Variants in PDIA5 observed in about 807,000 individuals in gnomAD.
The protein encoded by PDIA5 is protein disulfide isomerase family A member 5, also known as protein disulfide-isomerase A5.
PDIA5 carries 58 observed loss-of-function variants against 77.6 expected under a neutral mutation model. The ratio of observed to expected loss-of-function variants is 0.75; its 90% CI spans 0.61 to 0.93. PDIA5 has a LOEUF of 0.93. PDIA5 is among the 40% of genes least tolerant of loss of function. PDIA5 has a pLI of 0.00. For missense variants in PDIA5, 630 were observed against 647.7 expected (o/e 0.97, Z 0.30); for synonymous variants, 250 against 252.1 (o/e 0.99, Z 0.08).
intron 5 of PDIA5, among the ~76,000 whole-genome samples, chr3:123,103,643 T>G (rs2107934305): frequency 6.6e-6 from 1 of 152,236 alleles, no homozygotes; most frequent in South Asian, 2.1e-4. Flanking sequence ...CCTCTGTCTC[T>G]CCCCACCATC....
chr3:123,103,761 A>G (rs1576444275), intron 5 of PDIA5, among the ~76,000 whole-genome samples: 1 of 152,246 alleles, frequency 6.6e-6, no homozygotes, highest in Middle Eastern at 3.4e-3. Context: ...CTTAACACCT[A>G]CTTAGACACT....
intron 14 of PDIA5, among the ~76,000 whole-genome samples, chr3:123,152,119 TCCTTCCTGCCTTCCTTCCTG>T (rs1935928491): frequency 8.3e-6 from 1 of 120,796 alleles, no homozygotes; most frequent in African/African-American, 3.4e-5. Context: ...CTTCCTTCCT[TCCTTCCTGCCTTCCTTCCTG>T]CCTGCCTTCC....
chr3:123,139,386 C>T (rs574464839), intron 11 of PDIA5, among the ~76,000 whole-genome samples: 1 of 152,330 alleles, frequency 6.6e-6, no homozygotes, highest in East Asian at 1.9e-4. Context: ...CCAGACCTTT[C>T]TCCTCCTCTG....
intron 1 of PDIA5, among the ~76,000 whole-genome samples, chr3:123,083,772 G>C (rs1307412363): frequency 6.6e-6 from 1 of 152,220 alleles, no homozygotes; most frequent in Non-Finnish European, 1.5e-5. Context: ...TATGAAGTCT[G>C]CAGTAAGGCT....
At chr3:123,144,306 C>T (rs1383169953) in intron 11 of PDIA5, among the ~76,000 whole-genome samples, 1 of 152,166 alleles carries the variant, frequency 6.6e-6, no homozygotes, top group Admixed American at 6.5e-5. Context: ...CAGTGGCACA[C>T]CCCTGAGAAG....
intron 14 of PDIA5, among the ~76,000 whole-genome samples, chr3:123,152,091 G>T (rs923268753): frequency 2.8e-3 from 66 of 23,364 alleles, no homozygotes; most frequent in African/African-American, 0.014. Flanking sequence ...CTTCCTTCCT[G>T]CCTTCCTGCC....
chr3:123,125,207 C>T (rs985073110), intron 10 of PDIA5, among the ~76,000 whole-genome samples: 1 of 152,230 alleles, frequency 6.6e-6, no homozygotes, highest in Non-Finnish European at 1.5e-5. Flanking sequence ...ACTTACCAGC[C>T]ACTGCTGCTT....
At chr3:123,099,601 G>A (rs920105339) in intron 3 of PDIA5, among the ~76,000 whole-genome samples, 4 of 152,234 alleles carry the variant, frequency 2.6e-5, no homozygotes, top group Non-Finnish European at 5.9e-5. Flanking sequence ...GAGGCAGGAG[G>A]CTGTGCACCG....
intron 11 of PDIA5, among the ~76,000 whole-genome samples, chr3:123,135,727 A>G (rs1935483487): frequency 1.5e-5 from 2 of 133,960 alleles, no homozygotes; most frequent in Non-Finnish European, 3.1e-5. Context: ...TATAATCCCC[A>G]TTATCCAGAG....
intron 15 of PDIA5, among the ~76,000 whole-genome samples, chr3:123,159,314 C>A (rs2107996978): frequency 6.6e-6 from 1 of 152,340 alleles, no homozygotes; most frequent in South Asian, 2.1e-4. Flanking sequence ...AAATGGAACC[C>A]CACAATTTGG....
In PDIA5 at chr3:123,150,259, C is replaced by A. The variant is rs752598124; in HGVS notation, c.1168C>A (p.Pro390Thr). 1.1e-5 allele frequency: 17 copies of A among 1,613,390 alleles called. No individual in the cohort carries two copies. Among genetic ancestry groups the A allele is most frequent in the Non-Finnish European group, 1.4e-5 (16 of 1,179,512 alleles). ...QNPEAPPPPE[P>T]TWEEQQTSVL... Reference sequence around the variant, plus strand: ...CCCTGAGGCCCCCCCGCCCCCAGAGCCCACGTGGGAAGAGCAGCAGACAAG... The same window carrying A: ...CCCTGAGGCCCCCCCGCCCCCAGAGACCACGTGGGAAGAGCAGCAGACAAG... The change falls in exon 14 of 17, where the codon CCC (proline) becomes ACC (threonine). Residue 390 changes from proline (P) to threonine (T), a missense_variant. Physicochemically the swap from Pro to Thr is conservative, Grantham distance 38. Coordinates refer to ENST00000316218, the MANE Select transcript of PDIA5 (RefSeq NM_006810.4).
At chr3:123,109,898 C>T (rs1410219796) in intron 6 of PDIA5, among the ~76,000 whole-genome samples, 2 of 152,230 alleles carry the variant, frequency 1.3e-5, no homozygotes, top group Admixed American at 6.5e-5. Context: ...TCCTCTTTAT[C>T]GGTTTTAATG....
rs1245050871 is a variant in PDIA5 at position 123,161,932 on chromosome 3, G to C, written c.1532G>C (p.Arg511Thr). 8 of 1,604,290 alleles carry C rather than the reference G, an allele frequency of 5.0e-6. No homozygotes were observed. The highest frequency in any genetic ancestry group is 6.8e-6 in the Non-Finnish European group (8 of 1,171,530). Residue 511 changes from arginine (R) to threonine (T), a missense_variant, in exon 17 of 17, where the codon AGA becomes ACA. Physicochemically the swap from Arg to Thr is moderately conservative, Grantham distance 71. Transcript: ENST00000316218. ...IRALREGDHE[R>T]LGKKKEEL ...GCCCTCCGGGAGGGAGACCATGAAA[G>C]ACTAGGGAAAAAGAAGGAAGAGTTA... is the stretch of plus-strand genomic sequence containing the variant.
At chr3:123,149,406 A>G (rs1477748619) in intron 13 of PDIA5, among the ~76,000 whole-genome samples, 1 of 152,200 alleles carries the variant, frequency 6.6e-6, no homozygotes, top group Non-Finnish European at 1.5e-5. Context: ...GCTGTGGCAC[A>G]AGCCCAGTGG....
intron 3 of PDIA5, among the ~76,000 whole-genome samples, chr3:123,097,967 C>T (rs1394249240): frequency 1.3e-5 from 2 of 152,108 alleles, no homozygotes; most frequent in Admixed American, 6.6e-5. Context: ...AGGGGCTGAG[C>T]GTGGTCTCCC....
intron 1 of PDIA5, among the ~76,000 whole-genome samples, chr3:123,081,765 C>T (rs566225401): frequency 2.6e-5 from 4 of 152,032 alleles, no homozygotes; most frequent in African/African-American, 9.7e-5. Flanking sequence ...TAATGACAGA[C>T]GGCTTTGCTA....
intron 3 of PDIA5, among the ~76,000 whole-genome samples, chr3:123,096,805 T>C (rs1934454318): frequency 6.6e-6 from 1 of 152,176 alleles, no homozygotes; most frequent in South Asian, 2.1e-4. Flanking sequence ...TTAAGCGGGT[T>C]GTGTGTGCGG....
Position 123,124,352 on chromosome 3 carries a change from GGT to G in PDIA5, c.773+20_773+21del, listed in dbSNP as rs773840874. The G allele has an allele frequency of 3.9e-5, 63 of 1,601,038 alleles. No individual in the cohort carries two copies. Among genetic ancestry groups the G allele is most frequent in the Non-Finnish European group, 4.7e-5 (55 of 1,168,258 alleles). On this transcript the variant is annotated intron_variant, in intron 10 of 16. Transcript: ENST00000316218. ...GTGGAGTGGCTGAAGAAGTAAGTGG[GGT>G]GTGTGTGTGTCAGTGGGCGTGGACC...
At position 123,133,976 on chromosome 3, in the gene PDIA5, TCTTTTCTTTTC is replaced by T. The variant is rs1270545379; in HGVS notation, c.910+3372_910+3382del. Among the ~76,000 whole-genome samples the T allele has an allele frequency of 3.2e-4, 47 of 149,040 alleles. 1 individual carries two copies. The highest frequency in any genetic ancestry group is 7.9e-4 in the East Asian group (4 of 5,090). The stretch of plus-strand genomic sequence containing the variant: ...CTTTGCAGTGTTGTTTGTTTTCTTT[TCTTTTCTTTTC>T]CTTTTCTTTTCTTTTCCTTTTCTTT... On this transcript the variant is annotated intron_variant, in intron 11 of 16. Transcript: ENST00000316218.
Sources: gnomAD v4.1 joint callset for allele counts (sites outside exome capture counted in the v4.1 genomes callset) on GRCh38, gnomAD v4.1.1 for gene constraint, MANE v1.5 for transcripts, NCBI Gene and HGNC (gene_info 2026-07-23, HGNC 2026-07-21) for gene names.